Variants in GRM5 observed in about 807,000 individuals in gnomAD.
The protein encoded by GRM5 is metabotropic glutamate receptor 5.
Under a neutral mutation model 83.1 loss-of-function variants are expected in GRM5, and 19 were observed. The ratio of observed to expected loss-of-function variants is 0.23; its 90% CI spans 0.16 to 0.34. The LOEUF is 0.34. Among genes scored for constraint, GRM5 ranks in the 10% least tolerant of loss-of-function variants. The pLI is 1.00. For missense variants in GRM5, 1,160 were observed against 1,588.3 expected (o/e 0.73, Z 4.58); for synonymous variants, 675 against 633.6 (o/e 1.07, Z -0.98).
intron 3 of GRM5, among the ~76,000 whole-genome samples, chr11:88,827,311 T>A (rs966583092): frequency 4.6e-5 from 7 of 152,184 alleles, no homozygotes; most frequent in Non-Finnish European, 1.0e-4. Context: ...TCCCTTAATC[T>A]TCCAGCACAC....
intron 7 of GRM5, among the ~76,000 whole-genome samples, chr11:88,583,202 C>T (rs1273460276): frequency 2.6e-5 from 4 of 152,010 alleles, no homozygotes; most frequent in Non-Finnish European, 4.4e-5. Flanking sequence ...AATTCCAATG[C>T]GGGAGTTATA....
chr11:88,895,587 C>T (rs185222439), intron 2 of GRM5, among the ~76,000 whole-genome samples: 43 of 151,958 alleles, frequency 2.8e-4, no homozygotes, highest in African/African-American at 9.9e-4. Flanking sequence ...TATTGGTATT[C>T]ATTATTTTTC....
rs151204563 is a variant in GRM5, at chr11:88,887,096, A to T, written c.662-36941T>A. On this transcript the variant is annotated intron_variant, in intron 2 of 9. Coordinates refer to ENST00000305447, the MANE Select transcript of GRM5 (RefSeq NM_001143831.3). ...CCCTTTTTGCATCCCTCTACTAGACACCATGCTTTATGCTGCTTCTGTTAA... is the reference window on the plus strand; with the variant it reads ...CCCTTTTTGCATCCCTCTACTAGACTCCATGCTTTATGCTGCTTCTGTTAA... Among the ~76,000 whole-genome samples the T allele has an allele frequency of 9.2e-4, 140 of 152,250 alleles. 1 individual carries two copies. The highest frequency in any genetic ancestry group is 3.1e-3 in the African/African-American group (128 of 41,552).
chr11:88,636,124 T>C (rs1939112396), intron 4 of GRM5, among the ~76,000 whole-genome samples: 2 of 152,228 alleles, frequency 1.3e-5, no homozygotes, highest in South Asian at 4.1e-4. Context: ...TGGACATCAC[T>C]TATTTTTTTC....
intron 2 of GRM5, chr11:89,009,135 A>G: frequency 8.5e-6 from 6 of 706,644 alleles, no homozygotes; most frequent in Non-Finnish European, 1.0e-5. Context: ...GATGTATAAG[A>G]TAAGCAAAGG....
chr11:88,531,182 C>G (rs1941999642), intron 8 of GRM5, among the ~76,000 whole-genome samples: 1 of 152,148 alleles, frequency 6.6e-6, no homozygotes, highest in Non-Finnish European at 1.5e-5. Flanking sequence ...ACCTCCATCT[C>G]TGTGTCCTGT....
At chr11:88,543,671 C>T (rs1942324931) in intron 8 of GRM5, among the ~76,000 whole-genome samples, 1 of 145,344 alleles carries the variant, frequency 6.9e-6, no homozygotes, top group Middle Eastern at 3.5e-3. Flanking sequence ...TGTCCTCTCT[C>T]ATCATTATTT....
chr11:88,931,609 G>C (rs907282843), intron 2 of GRM5, among the ~76,000 whole-genome samples: 2 of 152,076 alleles, frequency 1.3e-5, no homozygotes, highest in African/African-American at 4.8e-5. Context: ...AGAGACTTGT[G>C]AATTTCTAGC....
At chr11:88,733,966 T>G (rs571810123) in intron 3 of GRM5, among the ~76,000 whole-genome samples, 6 of 151,990 alleles carry the variant, frequency 3.9e-5, no homozygotes, top group African/African-American at 1.4e-4. Flanking sequence ...TCTGCTTGCT[T>G]GGCATTTCTA....
At chr11:88,585,444 T>A (rs1176223855) in intron 7 of GRM5, among the ~76,000 whole-genome samples, 1 of 152,222 alleles carries the variant, frequency 6.6e-6, no homozygotes, top group Admixed American at 6.5e-5. Flanking sequence ...TAAATCTTTT[T>A]AAATTTCCCT....
chr11:88,658,336 T>G (rs1939819767), intron 3 of GRM5, among the ~76,000 whole-genome samples: 1 of 152,186 alleles, frequency 6.6e-6, no homozygotes, highest in South Asian at 2.1e-4. Context: ...CACATGTTAT[T>G]TCTGCTCACG....
At chr11:88,726,954 A>G (rs1277207738) in intron 3 of GRM5, among the ~76,000 whole-genome samples, 2 of 152,200 alleles carry the variant, frequency 1.3e-5, no homozygotes, top group Admixed American at 6.5e-5. Context: ...TGTAAAGACC[A>G]TCAATACTAT....
At chr11:88,892,338 A>G (rs316105) in intron 2 of GRM5, among the ~76,000 whole-genome samples, 146,311 of 152,028 alleles carry the variant, frequency 0.96, 70,449 homozygotes, top group East Asian at 0.99. Context: ...AGGTTTCTTA[A>G]TCTGTAGTCA....
intron 1 of GRM5, among the ~76,000 whole-genome samples, chr11:89,051,678 C>T (rs1280646292): frequency 6.6e-6 from 1 of 152,034 alleles, no homozygotes; most frequent in Non-Finnish European, 1.5e-5. Flanking sequence ...CCACTGCACT[C>T]CAGCCTGGGT....
chr11:88,904,716 C>T (rs1390585564), intron 2 of GRM5, among the ~76,000 whole-genome samples: 1 of 152,100 alleles, frequency 6.6e-6, no homozygotes, highest in East Asian at 1.9e-4. Flanking sequence ...GCATGTATTA[C>T]ACACAATGCA....
rs531787952 is a variant in GRM5, at chr11:88,691,469, C to T, written c.912-38066G>A. Among the ~76,000 whole-genome samples the T allele has an allele frequency of 4.9e-4, 75 of 152,222 alleles. 1 individual carries two copies. Among genetic ancestry groups the T allele is most frequent in the Non-Finnish European group, 4.3e-4 (29 of 68,010 alleles). Reference sequence around the variant, plus strand: ...TATGCAGCCAAAGCAATTAGAAATACGGTTGGATATAGCAAAGATTTCACC... The same window carrying T: ...TATGCAGCCAAAGCAATTAGAAATATGGTTGGATATAGCAAAGATTTCACC... On this transcript the variant is annotated intron_variant, in intron 3 of 9. Transcript: ENST00000305447.
chr11:88,587,600 A>T (rs1943343290), intron 7 of GRM5, among the ~76,000 whole-genome samples: 1 of 152,108 alleles, frequency 6.6e-6, no homozygotes, highest in Non-Finnish European at 1.5e-5. Context: ...GGCATTTGAG[A>T]AAACAGCAGA....
intron 3 of GRM5, among the ~76,000 whole-genome samples, chr11:88,822,267 T>C (rs986665615): frequency 6.6e-6 from 1 of 152,198 alleles, no homozygotes; most frequent in Non-Finnish European, 1.5e-5. Context: ...TATTGTGTTA[T>C]AGCCACTGTG....
rs561107508 is a variant in GRM5, at chr11:88,897,313, A to G, written c.662-47158T>C. Among the ~76,000 whole-genome samples the G allele has an allele frequency of 2.0e-5, 3 of 152,052 alleles. No individual in the cohort carries two copies. In the South Asian group the frequency reaches 6.2e-4, roughly 32 times the overall value. On this transcript the variant is annotated intron_variant, in intron 2 of 9. Coordinates refer to ENST00000305447, the MANE Select transcript of GRM5 (RefSeq NM_001143831.3). ...CATCCCTTTTCTTCTGTCTAGCACT[A>G]CTAGCTAGAAGTCAGAATTTATAAA...
Sources: allele counts gnomAD v4.1 joint callset (sites outside exome capture counted in the v4.1 genomes callset), GRCh38; gene constraint gnomAD v4.1.1; transcripts MANE v1.5; gene names NCBI Gene and HGNC (gene_info 2026-07-23, HGNC 2026-07-21).